PRCC: variants seen among roughly 807,000 people sequenced by gnomAD.
PRCC encodes the protein proline rich mitotic checkpoint control factor.
A neutral mutation model predicts 44.0 loss-of-function variants in PRCC; 10 were observed. The observed-to-expected ratio is 0.23, with a 90% CI of 0.14 to 0.39. PRCC has a LOEUF of 0.39. PRCC is among the 10% of genes least tolerant of loss of function. PRCC has a pLI of 1.00. For missense variants in PRCC, 573 were observed against 624.7 expected (o/e 0.92, Z 0.88); for synonymous variants, 278 against 259.5 (o/e 1.07, Z -0.69).
chr1:156,775,789 G>A (rs932658756), intron 1 of PRCC, among the ~76,000 whole-genome samples: 3 of 152,172 alleles, frequency 2.0e-5, no homozygotes, highest in Non-Finnish European at 4.4e-5. Flanking sequence ...GATCACAGGC[G>A]TGAGCCACCG....
Position 156,800,547 on chromosome 1 carries a change from A to G in PRCC, c.*87A>G. 1 of 1,359,934 alleles carries G rather than the reference A, an allele frequency of 7.4e-7. No homozygotes were observed. The highest frequency in any genetic ancestry group is 1.2e-5 in the South Asian group (1 of 85,750). The allele number at this position is 1,359,934 out of a possible 1,614,324, so 84.2% of individuals were successfully genotyped here. On this transcript the variant is annotated 3_prime_UTR_variant, in exon 7 of 7. Transcript: ENST00000271526. ...CACCTCTGGGACCCCAGCTGCTCTA[A>G]GCCCAGGATCTCTTTCCCCAAGGAC...
intron 5 of PRCC, chr1:156,796,497 G>A (rs990608958): frequency 1.3e-5 from 2 of 152,278 alleles, no homozygotes; most frequent in African/African-American, 4.8e-5. Flanking sequence ...AGATGATTAG[G>A]AAGCTTCTAG....
chr1:156,785,904 T>A (rs978966472), intron 2 of PRCC, among the ~76,000 whole-genome samples: 26 of 150,914 alleles, frequency 1.7e-4, no homozygotes, highest in Non-Finnish European at 3.4e-4. Flanking sequence ...CTCCGCTTCC[T>A]GGGTTCAAGC....
At chr1:156,797,178 G>T in intron 5 of PRCC, 98 bp from the exon 6 acceptor site, 1 of 1,422,548 alleles carries the variant, frequency 7.0e-7, no homozygotes, top group Non-Finnish European at 9.9e-7. Context: ...TTGGGCTGTG[G>T]AATTGGCTTC....
chr1:156,792,754 C>T (rs1037760555), intron 4 of PRCC, among the ~76,000 whole-genome samples: 19 of 152,144 alleles, frequency 1.2e-4, no homozygotes, highest in African/African-American at 3.4e-4. Context: ...TGCATCTAGC[C>T]GGCCATATCT....
chr1:156,799,006 C>G (rs1211294420), intron 6 of PRCC, among the ~76,000 whole-genome samples: 2 of 152,162 alleles, frequency 1.3e-5, no homozygotes, highest in African/African-American at 2.4e-5. Context: ...CTTGAGCTCA[C>G]TGCAATAGCA....
intron 1 of PRCC, among the ~76,000 whole-genome samples, chr1:156,778,581 C>CTTTTT (rs746389120): frequency 1.5e-5 from 2 of 130,094 alleles, no homozygotes; most frequent in African/African-American, 5.7e-5. Flanking sequence ...TATAGTAATT[C>CTTTTT]TTTTTTTTTT....
chr1:156,798,742 A>G (rs1460246625), intron 6 of PRCC, among the ~76,000 whole-genome samples: 1 of 151,184 alleles, frequency 6.6e-6, no homozygotes, highest in East Asian at 2.0e-4. Context: ...CCAGCTACTC[A>G]GGAGGCTGAG....
At chr1:156,788,504 G>T (rs1652356128) in intron 3 of PRCC, among the ~76,000 whole-genome samples, 1 of 151,986 alleles carries the variant, frequency 6.6e-6, no homozygotes, top group Non-Finnish European at 1.5e-5. Context: ...TATTCCTTTG[G>T]GTATATACCC....
intron 1 of PRCC, 139 bp downstream of exon 1, chr1:156,768,378 T>G (rs1651498767): frequency 2.1e-6 from 2 of 962,970 alleles, no homozygotes; most frequent in Admixed American, 2.4e-5. Flanking sequence ...TATAATGCGA[T>G]TAATTGAGCT....
intron 1 of PRCC, among the ~76,000 whole-genome samples, chr1:156,777,194 C>T (rs929400997): frequency 6.6e-6 from 1 of 152,078 alleles, no homozygotes; most frequent in African/African-American, 2.4e-5. Context: ...CATGCTCTCT[C>T]AGCTGTGTCG....
At chr1:156,786,501 A>G in intron 2 of PRCC, 107 bp from the exon 3 acceptor site, 1 of 1,192,120 alleles carries the variant, frequency 8.4e-7, no homozygotes, top group Non-Finnish European at 1.2e-6. Flanking sequence ...GGCTGGTAAG[A>G]TTTTAGGCTA....
intron 1 of PRCC, among the ~76,000 whole-genome samples, chr1:156,774,843 T>C (rs1015494685): frequency 1.3e-5 from 2 of 151,454 alleles, no homozygotes; most frequent in African/African-American, 4.9e-5. Context: ...TCCCAGCTAC[T>C]TGGGAAGCTG....
chr1:156,772,496 A>G (rs1047373610), intron 1 of PRCC, among the ~76,000 whole-genome samples: 2 of 152,190 alleles, frequency 1.3e-5, no homozygotes, highest in African/African-American at 4.8e-5. Flanking sequence ...CCCAAGCTAC[A>G]CTGGTTGATT....
Position 156,773,969 on chromosome 1 carries a change from A to G in PRCC, c.468+5730A>G, listed in dbSNP as rs182941758. Among the ~76,000 whole-genome samples the G allele has an allele frequency of 2.6e-5, 4 of 152,280 alleles. No homozygotes were observed. The East Asian group carries it at 7.7e-4, about 29-fold the overall frequency. ...TACAACATGGATAGACCTTGAAGAC[A>G]TTATGCTAAGTAAAGTAAGCCAGTC... On this transcript the variant is annotated intron_variant, in intron 1 of 6. Transcript: ENST00000271526.
At chr1:156,773,956 A>G (rs1651723927) in intron 1 of PRCC, among the ~76,000 whole-genome samples, 1 of 152,192 alleles carries the variant, frequency 6.6e-6, no homozygotes, top group Non-Finnish European at 1.5e-5. Context: ...CAACATGGAT[A>G]GACCTTGAAG....
intron 1 of PRCC, among the ~76,000 whole-genome samples, chr1:156,773,334 C>T (rs1651702150): frequency 6.6e-6 from 1 of 151,990 alleles, no homozygotes; most frequent in Non-Finnish European, 1.5e-5. Context: ...TCCCACTGGA[C>T]CTAGCTTAAT....
chr1:156,793,584 T>G (rs1652563433), intron 4 of PRCC, among the ~76,000 whole-genome samples: 1 of 152,104 alleles, frequency 6.6e-6, no homozygotes, highest in East Asian at 1.9e-4. Flanking sequence ...AGCCCCACAT[T>G]CTTTGTCTCT....
chr1:156,774,876 G>T (rs992769972), intron 1 of PRCC, among the ~76,000 whole-genome samples: 13 of 151,242 alleles, frequency 8.6e-5, no homozygotes, highest in African/African-American at 3.2e-4. Flanking sequence ...GCTTGAACCC[G>T]GAAGGCAGAG....
Sources: allele counts gnomAD v4.1 joint callset (sites outside exome capture counted in the v4.1 genomes callset), GRCh38; gene constraint gnomAD v4.1.1; transcripts MANE v1.5; gene names NCBI Gene and HGNC (gene_info 2026-07-23, HGNC 2026-07-21).